Variants in RRBP1 observed in about 807,000 individuals in gnomAD.
The protein encoded by RRBP1 is ribosome binding protein 1.
A neutral mutation model predicts 165.2 loss-of-function variants in RRBP1; 94 were observed. The observed-to-expected ratio is 0.57, with a 90% CI of 0.48 to 0.68. The LOEUF is 0.68. RRBP1 is among the 30% of genes least tolerant of loss of function. The probability of loss-of-function intolerance (pLI) is 0.00; values close to 1 mark genes in which losing one functional copy is unlikely to be tolerated. For synonymous variants in RRBP1, 680 were observed against 714.5 expected (o/e 0.95, Z 0.77); for missense variants, 1,676 against 1,763.0 (o/e 0.95, Z 0.88).
intron 5 of RRBP1, among the ~76,000 whole-genome samples, chr20:17,641,045 C>T (rs1335103993): frequency 6.6e-6 from 1 of 152,140 alleles, no homozygotes; most frequent in Non-Finnish European, 1.5e-5. Context: ...AGGGCCTGAC[C>T]AGTCCCAGAG....
At chr20:17,634,522 G>C (rs1359504331) in intron 7 of RRBP1, among the ~76,000 whole-genome samples, 1 of 152,244 alleles carries the variant, frequency 6.6e-6, no homozygotes, top group Non-Finnish European at 1.5e-5. Context: ...GTGCCCTCAA[G>C]ATGGACTGGG....
Position 17,660,548 on chromosome 20 carries a change from G to T in RRBP1, c.-21-20C>A. 6.9e-7 allele frequency: 1 copy of T among 1,442,702 alleles called. No homozygotes were observed. The highest frequency in any genetic ancestry group is 9.6e-7 in the Non-Finnish European group (1 of 1,041,776). The allele number at this position is 1,442,702 out of a possible 1,614,324, so 89.4% of individuals were successfully genotyped here. ...TTTCACCTGTCAAACATACATGGAGGTTACTATTTATAGAAATCAAGGCCT... is the reference window on the plus strand; with the variant it reads ...TTTCACCTGTCAAACATACATGGAGTTTACTATTTATAGAAATCAAGGCCT... On this transcript the variant is annotated intron_variant, in intron 2 of 24. Transcript: ENST00000377813.
chr20:17,668,421 C>T (rs1478820926), intron 2 of RRBP1, among the ~76,000 whole-genome samples: 1 of 152,186 alleles, frequency 6.6e-6, no homozygotes, highest in Non-Finnish European at 1.5e-5. Context: ...CTTTGTGGGG[C>T]TTTATCACTG....
chr20:17,639,750 G>A (rs368942908), intron 5 of RRBP1, among the ~76,000 whole-genome samples: 11 of 152,194 alleles, frequency 7.2e-5, no homozygotes, highest in Non-Finnish European at 1.2e-4. Flanking sequence ...ACAATTAGCC[G>A]GGTATGGTGG....
At chr20:17,615,618 G>A in intron 22 of RRBP1, 89 bp from the exon 23 acceptor site, 1 of 1,109,694 alleles carries the variant, frequency 9.0e-7, no homozygotes, top group South Asian at 1.7e-5. Flanking sequence ...GGGGACCAGG[G>A]GGCCCCCCCA....
intron 20 of RRBP1, among the ~76,000 whole-genome samples, chr20:17,617,998 A>G (rs112993119): frequency 0.052 from 7,883 of 152,268 alleles, 705 homozygotes; most frequent in African/African-American, 0.18. Flanking sequence ...TGAGCTGAAC[A>G]CCAGGAGGGA....
chr20:17,617,826 CCT>C (rs1162740702), intron 20 of RRBP1, among the ~76,000 whole-genome samples: 1 of 152,252 alleles, frequency 6.6e-6, no homozygotes, highest in East Asian at 1.9e-4. Context: ...CCAATTTCTC[CCT>C]GTTGACAACT....
At chr20:17,617,595 G>A (rs4814630) in intron 20 of RRBP1, among the ~76,000 whole-genome samples, 21,669 of 152,266 alleles carry the variant, frequency 0.14, 2,120 homozygotes, top group East Asian at 0.49. Flanking sequence ...TCCCCGGCCT[G>A]GGCCATGCCC....
chr20:17,652,605 G>A (rs1190674991), intron 3 of RRBP1, among the ~76,000 whole-genome samples: 5 of 152,134 alleles, frequency 3.3e-5, no homozygotes, highest in Non-Finnish European at 5.9e-5. Flanking sequence ...AGATGCCCAG[G>A]GCCAGTCAGC....
At chr20:17,670,390 T>C (rs2036953097) in intron 2 of RRBP1, among the ~76,000 whole-genome samples, 2 of 149,842 alleles carry the variant, frequency 1.3e-5, no homozygotes, top group Non-Finnish European at 3.0e-5. Flanking sequence ...AAATGAGTAG[T>C]GTAGGATTCT....
At position 17,642,996 on chromosome 20, in the gene RRBP1, G is replaced by T. The variant is rs753030971; in HGVS notation, c.2044C>A (p.Gln682Lys). The change falls in exon 4 of 25, where the codon CAG becomes AAG. Residue 682 changes from glutamine (Q) to lysine (K), a missense_variant. Gln to Lys is a moderately conservative substitution (Grantham distance 53). Coordinates refer to ENST00000377813, the MANE Select transcript of RRBP1 (RefSeq NM_001365613.2). ...GGGCCCACCTTGTGCCAGGTGTCCT[G>T]AATGATGCCAGCCTTCTCAGACAGG... ...EILSEKAGII[Q>K]DTWHKATQKG... The T allele has an allele frequency of 2.1e-5, 34 of 1,613,906 alleles. No individual in the cohort carries two copies. Among genetic ancestry groups the T allele is most frequent in the Non-Finnish European group, 2.5e-5 (30 of 1,180,006 alleles).
chr20:17,671,275 G>A (rs1202219260), intron 2 of RRBP1, among the ~76,000 whole-genome samples: 13 of 152,124 alleles, frequency 8.5e-5, no homozygotes, highest in Non-Finnish European at 1.8e-4. Flanking sequence ...TATGTTTTCT[G>A]AGATCTCTTC....
At position 17,629,867 on chromosome 20, in the gene RRBP1, C is replaced by G. The variant is rs45479602; in HGVS notation, c.2705G>C (p.Arg902Pro). Reference protein sequence around the residue: ...CHTQSSHASLRADAEKAQEQQ... With the variant: ...CHTQSSHASLPADAEKAQEQQ... ...CTCCTGGGCCTTCTCGGCATCCGCC[C>G]GGAGGCTGGCGTGGCTGCTCTGCGT... is the stretch of plus-strand genomic sequence containing the variant. Residue 902 changes from arginine (R) to proline (P), a missense_variant, in exon 9 of 25, where the codon CGG becomes CCG. Transcript: ENST00000377813. 1 of 1,600,042 alleles carries G rather than the reference C, an allele frequency of 6.2e-7. No homozygotes were observed. Among genetic ancestry groups the G allele is most frequent in the East Asian group, 2.2e-5 (1 of 44,852 alleles).
intron 1 of RRBP1, 108 bp downstream of exon 1, chr20:17,681,920 G>A (rs933865226): frequency 3.4e-5 from 5 of 147,174 alleles, no homozygotes; most frequent in African/African-American, 1.2e-4. Context: ...CGGGCCGGGG[G>A]AGGGGCCGCC....
In RRBP1 at chr20:17,663,036, TA is replaced by T. The variant is rs1169024639; in HGVS notation, c.-21-2509del. On this transcript the variant is annotated intron_variant, in intron 2 of 24. Transcript: ENST00000377813. ...ATTTAAAAAAAAATAAAAAATCCTC[TA>T]AAACACTCCCCTTCTCTAGAGAAAC... 2.6e-5 allele frequency among the ~76,000 whole-genome samples: 4 copies of T among 152,132 alleles called. No homozygotes were observed. In the East Asian group the frequency reaches 7.7e-4, roughly 29 times the overall value.
intron 21 of RRBP1, among the ~76,000 whole-genome samples, chr20:17,616,400 C>T (rs2236251): frequency 0.63 from 95,168 of 152,076 alleles, 32,815 homozygotes; most frequent in Non-Finnish European, 0.77. Flanking sequence ...ATGTCCCAGC[C>T]GGGGTTGCAG....
intron 2 of RRBP1, 42 bp from the exon 3 acceptor site, chr20:17,660,570 G>T: frequency 8.3e-7 from 1 of 1,212,014 alleles, no homozygotes; most frequent in Non-Finnish European, 1.2e-6. Flanking sequence ...AGAAATCAAG[G>T]CCTTCAACAG....
Position 17,655,613 on chromosome 20 carries a change from G to C in RRBP1, c.1912+2983C>G, listed in dbSNP as rs910751626. Among the ~76,000 whole-genome samples the C allele has an allele frequency of 6.6e-5, 10 of 152,216 alleles. No individual in the cohort carries two copies. The Middle Eastern group carries it at 0.017, about 259-fold the overall frequency. On this transcript the variant is annotated intron_variant, in intron 3 of 24. Coordinates refer to ENST00000377813, the MANE Select transcript of RRBP1 (RefSeq NM_001365613.2). ...CACCGAGGCCCTTGGGGTGGTCCGA[G>C]GGACACCCCAGCCACTCACCCACAG...
At chr20:17,670,839 A>G (rs935675852) in intron 2 of RRBP1, among the ~76,000 whole-genome samples, 2 of 151,978 alleles carry the variant, frequency 1.3e-5, no homozygotes, top group African/African-American at 4.8e-5. Context: ...ATTTTTATTT[A>G]CCCGGCTTGG....
Sources: allele counts gnomAD v4.1 joint callset (sites outside exome capture counted in the v4.1 genomes callset), GRCh38; gene constraint gnomAD v4.1.1; transcripts MANE v1.5; gene names NCBI Gene and HGNC (gene_info 2026-07-23, HGNC 2026-07-21).